FOXP2: variants seen among roughly 807,000 people sequenced by gnomAD.
FOXP2 encodes the protein forkhead box protein P2.
In FOXP2, 12 loss-of-function variants were observed where a neutral mutation model predicts 115.8. The ratio of observed to expected loss-of-function variants is 0.10; its 90% CI spans 0.07 to 0.17. The LOEUF is 0.17. Among genes scored for constraint, FOXP2 ranks in the 10% least tolerant of loss-of-function variants. FOXP2 has a pLI of 1.00. For synonymous variants in FOXP2, 328 were observed against 297.7 expected (o/e 1.10, Z -1.05); for missense variants, 629 against 843.5 (o/e 0.75, Z 3.15).
chr7:114,108,716 T>C (rs1277773881), intron 1 of FOXP2, among the ~76,000 whole-genome samples: 1 of 152,010 alleles, frequency 6.6e-6, no homozygotes, highest in Non-Finnish European at 1.5e-5. Context: ...TTTTGCATCA[T>C]ACATTTATCT....
intron 1 of FOXP2, among the ~76,000 whole-genome samples, chr7:114,202,757 C>T (rs1347053378): frequency 6.6e-6 from 1 of 152,050 alleles, no homozygotes; most frequent in Non-Finnish European, 1.5e-5. Flanking sequence ...GTTATACTCC[C>T]CTAATTAGAC....
At chr7:114,515,307 G>T (rs1431161583) in intron 2 of FOXP2, among the ~76,000 whole-genome samples, 35 of 150,338 alleles carry the variant, frequency 2.3e-4, no homozygotes, top group East Asian at 5.9e-4. Flanking sequence ...ACTTCCACAA[G>T]GGTTGAACTA....
At chr7:114,664,556 T>A in intron 16 of FOXP2, 120 bp downstream of exon 16, 1 of 1,175,490 alleles carries the variant, frequency 8.5e-7, no homozygotes, top group Non-Finnish European at 1.2e-6. Context: ...TAAGTGGAGT[T>A]AAATTATACC....
chr7:114,357,282 T>C (rs1180924962), intron 2 of FOXP2, among the ~76,000 whole-genome samples: 1 of 152,158 alleles, frequency 6.6e-6, no homozygotes, highest in East Asian at 1.9e-4. Flanking sequence ...AGTTAAGTAA[T>C]TACAGACTGC....
At chr7:114,430,740 C>T (rs1319629550) in intron 2 of FOXP2, among the ~76,000 whole-genome samples, 3 of 151,816 alleles carry the variant, frequency 2.0e-5, no homozygotes, top group Non-Finnish European at 4.4e-5. Context: ...TGAACATGTG[C>T]TCAGTCTTTT....
At chr7:114,331,360 T>C (rs11763797) in intron 2 of FOXP2, among the ~76,000 whole-genome samples, 8,397 of 152,232 alleles carry the variant, frequency 0.055, 324 homozygotes, top group Middle Eastern at 0.15. Context: ...TAGGAAAAGA[T>C]ATCATAGTGA....
In FOXP2 at chr7:114,414,827, G is replaced by A; in HGVS notation, c.-544G>A. The A allele has an allele frequency of 3.0e-6, 1 of 330,022 alleles. No individual in the cohort carries two copies. Among genetic ancestry groups the A allele is most frequent in the Non-Finnish European group, 6.0e-6 (1 of 167,800 alleles). The allele number at this position is 330,022 out of a possible 1,614,324, so 20.4% of individuals were successfully genotyped here. On this transcript the variant is annotated 5_prime_UTR_variant, in exon 1 of 17. Coordinates refer to ENST00000350908, the MANE Select transcript of FOXP2 (RefSeq NM_014491.4). ...AAGTGTATTTATCACAGACATGAAA[G>A]CTAACCGAGGACTTGAGAGACTCAA...
chr7:114,136,799 G>A (rs2129146310), intron 1 of FOXP2, among the ~76,000 whole-genome samples: 1 of 151,974 alleles, frequency 6.6e-6, no homozygotes, highest in South Asian at 2.1e-4. Context: ...TACAGGAGAA[G>A]CTAGAGATTT....
chr7:114,321,434 G>A (rs1797420300), intron 2 of FOXP2, among the ~76,000 whole-genome samples: 1 of 151,950 alleles, frequency 6.6e-6, no homozygotes, highest in Non-Finnish European at 1.5e-5. Context: ...TCCTGACCTC[G>A]TGGTCTGCCT....
chr7:114,495,713 G>A (rs1327342093), intron 2 of FOXP2, among the ~76,000 whole-genome samples: 2 of 151,524 alleles, frequency 1.3e-5, no homozygotes, highest in Non-Finnish European at 1.5e-5. Context: ...CGCCATGTTG[G>A]CCAGGCTGAT....
Position 114,692,493 on chromosome 7 carries a change from T to G in FOXP2, c.*2567T>G, listed in dbSNP as rs1398202137. ...TGTGCATATTATGTAAAAATGTTGG[T>G]GGACCCATAAATGACCAGACTTTTT... On this transcript the variant is annotated 3_prime_UTR_variant, in exon 17 of 17. Transcript: ENST00000350908. 2 of 453,814 alleles carry G rather than the reference T, an allele frequency of 4.4e-6. No homozygotes were observed. The highest frequency in any genetic ancestry group is 8.8e-6 in the Non-Finnish European group (2 of 226,670). The allele number at this position is 453,814 out of a possible 1,614,324, so 28.1% of individuals were successfully genotyped here. A position where few individuals can be genotyped will look rare whatever the true frequency, so the allele number is the denominator to read the frequency against.
chr7:114,296,372 T>G lies in FOXP2; in HGVS notation c.-11+8263T>G, dbSNP rs190439190. ...CAGAGTACACTTTAGAATCCTAAGT[T>G]TGGAAAATAGCAGTAAACCTTAGCT... On this transcript the variant is annotated intron_variant, in intron 2 of 17. Coordinates refer to the FOXP2 transcript ENST00000634411. 2.0e-4 allele frequency among the ~76,000 whole-genome samples: 31 copies of G among 152,308 alleles called. No individual in the cohort carries two copies. In the East Asian group the frequency reaches 4.6e-3, roughly 23 times the overall value.
At chr7:114,344,179 A>G (rs1562879459) in intron 2 of FOXP2, among the ~76,000 whole-genome samples, 1 of 151,752 alleles carries the variant, frequency 6.6e-6, no homozygotes, top group Admixed American at 6.6e-5. Context: ...TACACAAGAT[A>G]CGTGCATTGT....
chr7:114,502,983 T>C (rs1400438147), intron 2 of FOXP2, among the ~76,000 whole-genome samples: 1 of 152,052 alleles, frequency 6.6e-6, no homozygotes, highest in African/African-American at 2.4e-5. Flanking sequence ...ATTTTATGGT[T>C]GTCTGTTACA....
chr7:114,563,605 T>A (rs1443464830), intron 3 of FOXP2, among the ~76,000 whole-genome samples: 1 of 152,220 alleles, frequency 6.6e-6, no homozygotes, highest in African/African-American at 2.4e-5. Flanking sequence ...CTCCTTTAGA[T>A]GACCTCACTG....
intron 2 of FOXP2, among the ~76,000 whole-genome samples, chr7:114,427,599 T>C (rs761978217): frequency 1.3e-4 from 19 of 151,552 alleles, no homozygotes; most frequent in Non-Finnish European, 2.5e-4. Context: ...GCACTTAAAC[T>C]AAATGCCTAA....
At chr7:114,415,456 T>TTG (rs1159714912) in intron 1 of FOXP2, 96 bp downstream of exon 1, 1 of 353,704 alleles carries the variant, frequency 2.8e-6, no homozygotes, top group African/African-American at 2.2e-5. Context: ...TTGCTTTACT[T>TTG]TTTTTTTTTT....
intron 3 of FOXP2, among the ~76,000 whole-genome samples, chr7:114,536,838 G>A (rs976887970): frequency 3.3e-5 from 5 of 151,230 alleles, no homozygotes; most frequent in African/African-American, 1.2e-4. Context: ...GAGAATTTAG[G>A]GATATTGAAT....
chr7:114,221,582 G>A (rs189464663), intron 1 of FOXP2, among the ~76,000 whole-genome samples: 5 of 151,724 alleles, frequency 3.3e-5, no homozygotes, highest in Non-Finnish European at 7.4e-5. Flanking sequence ...CAGCCATTGG[G>A]TGACATTCTC....
Sources: gnomAD v4.1 joint callset for allele counts (sites outside exome capture counted in the v4.1 genomes callset) on GRCh38, gnomAD v4.1.1 for gene constraint, MANE v1.5 for transcripts, NCBI Gene and HGNC (gene_info 2026-07-23, HGNC 2026-07-21) for gene names.